Variants in SLC2A13 observed in about 807,000 individuals in gnomAD.
SLC2A13 encodes solute carrier family 2 member 13.
In SLC2A13, 32 loss-of-function variants were observed where a neutral mutation model predicts 64.4. The observed-to-expected ratio is 0.50, with a 90% CI of 0.37 to 0.67. The LOEUF (loss-of-function observed/expected upper bound fraction) is 0.67, where lower values mean the gene tolerates loss of function less well. SLC2A13 is among the 30% of genes least tolerant of loss of function. SLC2A13 has a pLI of 0.00. For synonymous variants in SLC2A13, 338 were observed against 327.1 expected, an observed-to-expected ratio of 1.03 and a Z score of -0.36; for missense variants, 743 against 829.2, an observed-to-expected ratio of 0.90 and a Z score of 1.28.
intron 4 of SLC2A13, among the ~76,000 whole-genome samples, chr12:39,924,059 G>A (rs576480863): frequency 4.5e-4 from 69 of 151,884 alleles, no homozygotes; most frequent in African/African-American, 1.6e-3. Flanking sequence ...CAGTTAAAAC[G>A]AAATAAAATA....
chr12:39,946,853 C>T (rs116493169), intron 4 of SLC2A13, among the ~76,000 whole-genome samples: 2 of 152,144 alleles, frequency 1.3e-5, no homozygotes, highest in African/African-American at 4.8e-5. Context: ...GCCCCATTTG[C>T]GTCCTCCCTT....
intron 6 of SLC2A13, among the ~76,000 whole-genome samples, chr12:39,837,814 T>C (rs983706549): frequency 4.6e-5 from 7 of 152,092 alleles, no homozygotes; most frequent in Non-Finnish European, 1.0e-4. Flanking sequence ...CCAGTTAGAA[T>C]GGCAATCATT....
intron 3 of SLC2A13, among the ~76,000 whole-genome samples, chr12:39,977,869 G>A (rs1471179068): frequency 1.3e-5 from 2 of 152,192 alleles, no homozygotes; most frequent in African/African-American, 4.8e-5. Flanking sequence ...CTTGGCTCAT[G>A]GTCTTCACCC....
At chr12:39,895,412 C>A (rs1316714460) in intron 4 of SLC2A13, among the ~76,000 whole-genome samples, 3 of 146,718 alleles carry the variant, frequency 2.0e-5, no homozygotes, top group African/African-American at 7.6e-5. Flanking sequence ...ATGGCCTGAA[C>A]CTGGGAGGTG....
At chr12:39,807,153 C>T (rs1942004512) in intron 7 of SLC2A13, among the ~76,000 whole-genome samples, 1 of 152,140 alleles carries the variant, frequency 6.6e-6, no homozygotes, top group South Asian at 2.1e-4. Context: ...GCAAAAACCT[C>T]GATAACTTTT....
chr12:40,093,749 T>C (rs911345276), intron 1 of SLC2A13, among the ~76,000 whole-genome samples: 12 of 152,032 alleles, frequency 7.9e-5, no homozygotes, highest in Non-Finnish European at 1.5e-5. Context: ...ATTGTGTTCC[T>C]AGAGGCGGGG....
At chr12:39,839,056 C>A (rs1943106988) in intron 6 of SLC2A13, among the ~76,000 whole-genome samples, 1 of 152,050 alleles carries the variant, frequency 6.6e-6, no homozygotes, top group African/African-American at 2.4e-5. Context: ...TGAATTGACA[C>A]CTATTTTGTG....
chr12:40,070,067 A>G (rs1294956174), intron 1 of SLC2A13, among the ~76,000 whole-genome samples: 1 of 152,092 alleles, frequency 6.6e-6, no homozygotes, highest in Non-Finnish European at 1.5e-5. Context: ...CATAAACGGA[A>G]TATGATATAA....
chr12:39,913,532 T>A (rs1032969962), intron 4 of SLC2A13, among the ~76,000 whole-genome samples: 2 of 151,634 alleles, frequency 1.3e-5, no homozygotes, highest in African/African-American at 4.8e-5. Context: ...AATCTAGCAT[T>A]AAATTGTCCA....
chr12:40,022,606 G>A (rs1205092204), intron 3 of SLC2A13, among the ~76,000 whole-genome samples: 1 of 152,196 alleles, frequency 6.6e-6, no homozygotes, highest in Non-Finnish European at 1.5e-5. Context: ...GGAGGCCAAG[G>A]CAGGTGGATC....
chr12:39,895,819 C>CAT lies in SLC2A13; in HGVS notation c.1035-23860_1035-23859dup, dbSNP rs1388992413. 1.4e-4 allele frequency among the ~76,000 whole-genome samples: 6 copies of CAT among 42,518 alleles called. 1 individual carries two copies. Among genetic ancestry groups the CAT allele is most frequent in the African/African-American group, 5.2e-4 (6 of 11,488 alleles). The allele number at this position is 42,518 out of a possible 152,430, so 27.9% of individuals were successfully genotyped here. On this transcript the variant is annotated intron_variant, in intron 4 of 9. Transcript: ENST00000280871. ...ATGTATATGCGTGTATACGTACACA[C>CAT]ATGTATATGCGTGTATATGCACACA...
chr12:40,033,393 C>CAAAGCA (rs1311530098), intron 2 of SLC2A13, among the ~76,000 whole-genome samples: 2 of 152,198 alleles, frequency 1.3e-5, no homozygotes, highest in Admixed American at 6.5e-5. Context: ...GCAGAAATAA[C>CAAAGCA]AAAGCAAAAG....
chr12:39,775,136 CATAG>C (rs749027098), intron 7 of SLC2A13, among the ~76,000 whole-genome samples: 13 of 152,062 alleles, frequency 8.5e-5, no homozygotes, highest in South Asian at 2.1e-4. Context: ...ACAAGATTAA[CATAG>C]ATAGAGAATT....
At chr12:39,855,521 C>G (rs752168389) in intron 6 of SLC2A13, among the ~76,000 whole-genome samples, 1 of 152,158 alleles carries the variant, frequency 6.6e-6, no homozygotes, top group Non-Finnish European at 1.5e-5. Context: ...TTTGCAATTA[C>G]GTATCTGCAT....
At chr12:40,041,519 A>G (rs537167361) in intron 2 of SLC2A13, among the ~76,000 whole-genome samples, 4 of 152,344 alleles carry the variant, frequency 2.6e-5, no homozygotes, top group Admixed American at 2.6e-4. Context: ...TCCATCATTT[A>G]TTCAACAGAC....
chr12:40,008,731 T>C (rs1019934256), intron 3 of SLC2A13, among the ~76,000 whole-genome samples: 1 of 152,168 alleles, frequency 6.6e-6, no homozygotes, highest in Non-Finnish European at 1.5e-5. Context: ...CAATATACTT[T>C]GAAGCTTAGA....
chr12:39,808,205 T>C (rs1309096636), intron 7 of SLC2A13, among the ~76,000 whole-genome samples: 2 of 152,124 alleles, frequency 1.3e-5, no homozygotes, highest in East Asian at 1.9e-4. Context: ...TTGTACAGTA[T>C]ATATTGTTTT....
chr12:39,966,354 A>G (rs1033880524), intron 3 of SLC2A13, among the ~76,000 whole-genome samples: 3 of 151,980 alleles, frequency 2.0e-5, no homozygotes, highest in African/African-American at 7.2e-5. Context: ...ACCACTGAAT[A>G]TATAAATAGA....
chr12:39,930,983 A>T (rs539946062), intron 4 of SLC2A13, among the ~76,000 whole-genome samples: 2 of 152,334 alleles, frequency 1.3e-5, no homozygotes, highest in Non-Finnish European at 2.9e-5. Context: ...CTAAGTGAGC[A>T]ATATAATTTT....
Sources: allele counts gnomAD v4.1 joint callset (sites outside exome capture counted in the v4.1 genomes callset), GRCh38; gene constraint gnomAD v4.1.1; transcripts MANE v1.5; gene names NCBI Gene and HGNC (gene_info 2026-07-23, HGNC 2026-07-21).